The following SHANK2 variants were observed in gnomAD, a reference collection of about 807,000 sequenced individuals.
The protein encoded by SHANK2 is SH3 and multiple ankyrin repeat domains 2, also known as SH3 and multiple ankyrin repeat domains protein 2.
In SHANK2, 43 loss-of-function variants were observed where a neutral mutation model predicts 133.7. That is an observed-to-expected ratio of 0.32 (90% CI 0.25 to 0.41). The LOEUF (loss-of-function observed/expected upper bound fraction) is 0.41. Among genes scored for constraint, SHANK2 ranks in the 10% least tolerant of loss-of-function variants. The probability of loss-of-function intolerance (pLI) is 1.00; values close to 1 mark genes in which losing one functional copy is unlikely to be tolerated. For missense variants in SHANK2, 1,994 were observed against 2,235.8 expected, an observed-to-expected ratio of 0.89 and a Z score of 2.18; for synonymous variants, 1,017 against 952.8, an observed-to-expected ratio of 1.07 and a Z score of -1.24.
At chr11:70,476,981 CTGTTCCCAGG>C (rs2058672267) in intron 25 of SHANK2, among the ~76,000 whole-genome samples, 1 of 152,250 alleles carries the variant, frequency 6.6e-6, no homozygotes, top group Non-Finnish European at 1.5e-5. Flanking sequence ...AAATACCCAG[CTGTTCCCAGG>C]TAGTTGGGAT....
intron 14 of SHANK2, among the ~76,000 whole-genome samples, chr11:70,711,474 T>C (rs1286624046): frequency 1.3e-5 from 2 of 152,254 alleles, no homozygotes; most frequent in African/African-American, 4.8e-5. Context: ...GAAATAACTT[T>C]TCTTTTTTAA....
At chr11:70,492,516 G>T in intron 21 of SHANK2, 51 bp from the exon 22 acceptor site, 1 of 1,611,090 alleles carries the variant, frequency 6.2e-7, no homozygotes, top group Non-Finnish European at 8.5e-7. Flanking sequence ...GGGGAAGCTG[G>T]GTGTAGATAG....
chr11:70,592,624 T>C (rs536219910), intron 17 of SHANK2, among the ~76,000 whole-genome samples: 116 of 151,962 alleles, frequency 7.6e-4, no homozygotes, highest in African/African-American at 2.7e-3. Flanking sequence ...TGAGGGCAAA[T>C]GTGTGCAGCC....
chr11:70,716,900 C>CA (rs1340973341), intron 14 of SHANK2, among the ~76,000 whole-genome samples: 1 of 148,394 alleles, frequency 6.7e-6, no homozygotes, highest in African/African-American at 2.5e-5. Flanking sequence ...CCGGAGCCCC[C>CA]CCCCCGCCCA....
Position 70,486,187 on chromosome 11 carries a change from G to C in SHANK2, c.4106C>G (p.Thr1369Ser). 2 of 1,613,210 alleles carry C rather than the reference G, an allele frequency of 1.2e-6. No individual in the cohort carries two copies. The highest frequency in any genetic ancestry group is 1.7e-6 in the Non-Finnish European group (2 of 1,179,308). Residue 1369 changes from threonine to serine, a missense_variant, in exon 25 of 26, where the codon ACC (threonine) becomes AGC (serine). Physicochemically the swap from Thr to Ser is moderately conservative, Grantham distance 58. Around this residue, in one of 5 missense-constraint regions of SHANK2, gnomAD observed 797 missense variants for 907.4 expected, o/e 0.88. Coordinates refer to ENST00000601538, the MANE Select transcript of SHANK2 (RefSeq NM_012309.5). The surrounding 1 kb of genome is among the most constrained non-coding windows in gnomAD (Gnocchi z 8.0). ...LQISAAPEPT[T>S]VPGRTIVAVG... ...CGCGACGATGGTTCTGCCGGGCACG[G>C]TGGTGGGCTCGGGGGCAGCGGAGAT... is the stretch of plus-strand genomic sequence containing the variant.
At chr11:70,497,019 G>A in intron 21 of SHANK2, 1 of 456,682 alleles carries the variant, frequency 2.2e-6, no homozygotes, top group Non-Finnish European at 4.4e-6. Context: ...CAAAACAAAT[G>A]TTCTTTTGAA....
At chr11:70,622,024 A>T (rs2060835889) in intron 17 of SHANK2, among the ~76,000 whole-genome samples, 2 of 152,110 alleles carry the variant, frequency 1.3e-5, no homozygotes, top group South Asian at 2.1e-4. Context: ...GCCCAGCGCC[A>T]TGTGGAGGGG....
chr11:70,570,373 G>C (rs749164335), intron 17 of SHANK2, among the ~76,000 whole-genome samples: 2 of 152,210 alleles, frequency 1.3e-5, no homozygotes, highest in African/African-American at 4.8e-5. Context: ...GGGTGCACGC[G>C]TGGGTGCCCC....
intron 11 of SHANK2, among the ~76,000 whole-genome samples, chr11:70,822,484 C>G (rs1218251178): frequency 6.7e-6 from 1 of 148,986 alleles, no homozygotes; most frequent in Non-Finnish European, 1.5e-5. Context: ...ATGGCACTGG[C>G]AGAGTTCATA....
At chr11:70,721,256 G>T (rs1454184542) in intron 14 of SHANK2, among the ~76,000 whole-genome samples, 1 of 152,216 alleles carries the variant, frequency 6.6e-6, no homozygotes, top group African/African-American at 2.4e-5. Flanking sequence ...GGCTGTGAGG[G>T]TTTCCCTCAG....
chr11:70,684,364 T>C (rs1367559142), intron 15 of SHANK2, among the ~76,000 whole-genome samples: 1 of 151,926 alleles, frequency 6.6e-6, no homozygotes, highest in Non-Finnish European at 1.5e-5. Context: ...CAAGACCAGC[T>C]TGGGCAACCT....
chr11:71,185,205 C>T (rs1953646034), intron 2 of SHANK2, among the ~76,000 whole-genome samples: 1 of 152,172 alleles, frequency 6.6e-6, no homozygotes, highest in Non-Finnish European at 1.5e-5. Flanking sequence ...TTGAAACTCA[C>T]CTGTGGCATG....
chr11:70,851,270 C>T (rs1949083144), intron 11 of SHANK2, among the ~76,000 whole-genome samples: 1 of 152,184 alleles, frequency 6.6e-6, no homozygotes, highest in Non-Finnish European at 1.5e-5. Context: ...CCTAATTGTC[C>T]CCCACTTCCT....
intron 11 of SHANK2, among the ~76,000 whole-genome samples, chr11:70,875,375 A>C (rs549297825): frequency 6.6e-6 from 1 of 152,000 alleles, no homozygotes; most frequent in East Asian, 1.9e-4. Flanking sequence ...CAAAAAAAAA[A>C]TTAGCCAGGC....
chr11:70,489,861 T>A, intron 23 of SHANK2: 1 of 291,252 alleles, frequency 3.4e-6, no homozygotes, highest in Non-Finnish European at 6.6e-6. Flanking sequence ...TGGAAGTACA[T>A]CTGCTGAGCT....
At chr11:71,150,940 G>A (rs1555107942) in intron 2 of SHANK2, among the ~76,000 whole-genome samples, 1 of 152,082 alleles carries the variant, frequency 6.6e-6, no homozygotes. Flanking sequence ...ACAACATCTG[G>A]ATTTCAGTCA....
chr11:70,816,997 G>A (rs1555054534), intron 12 of SHANK2, among the ~76,000 whole-genome samples: 1 of 152,218 alleles, frequency 6.6e-6, no homozygotes, highest in Non-Finnish European at 1.5e-5. Context: ...CAGTGAACTG[G>A]CTCCCTTCTG....
chr11:70,560,874 G>A (rs569083567), intron 17 of SHANK2, among the ~76,000 whole-genome samples: 1 of 152,234 alleles, frequency 6.6e-6, no homozygotes, highest in South Asian at 2.1e-4. Flanking sequence ...TGATTCGCCT[G>A]CCTCGGCCTC....
intron 14 of SHANK2, among the ~76,000 whole-genome samples, chr11:70,752,497 T>C (rs1946771040): frequency 6.6e-6 from 1 of 152,014 alleles, no homozygotes. Flanking sequence ...GGCAGACGGA[T>C]CACAAGGTCA....
Sources: gnomAD v4.1 joint callset for allele counts (sites outside exome capture counted in the v4.1 genomes callset) on GRCh38, gnomAD v4.1.1 for gene constraint, gnomAD v4.1.1 regional missense constraint, Gnocchi (gnomAD v3.1) non-coding constraint, MANE v1.5 for transcripts, NCBI Gene and HGNC (gene_info 2026-07-23, HGNC 2026-07-21) for gene names.